GRIN2A: variants seen among roughly 807,000 people sequenced by gnomAD.
GRIN2A encodes the protein glutamate receptor ionotropic, NMDA 2A.
A neutral mutation model predicts 113.4 loss-of-function variants in GRIN2A; 22 were observed. The observed-to-expected ratio is 0.19, with a 90% CI of 0.14 to 0.28. The LOEUF is 0.28. GRIN2A is among the 10% of genes least tolerant of loss of function. GRIN2A has a pLI of 1.00. For missense variants in GRIN2A, 1,502 were observed against 1,887.0 expected (o/e 0.80, Z 3.78); for synonymous variants, 827 against 738.4 (o/e 1.12, Z -1.94).
At chr16:10,171,165 T>C (rs1373956214) in intron 2 of GRIN2A, among the ~76,000 whole-genome samples, 1 of 152,092 alleles carries the variant, frequency 6.6e-6, no homozygotes, top group Non-Finnish European at 1.5e-5. Context: ...CTTGAAAGGG[T>C]AATAAAATAA....
chr16:10,056,128 A>G (rs974044307), intron 2 of GRIN2A, among the ~76,000 whole-genome samples: 10 of 152,246 alleles, frequency 6.6e-5, no homozygotes, highest in Admixed American at 5.2e-4. Flanking sequence ...ATACTTAATG[A>G]GCATTTCCTA....
intron 2 of GRIN2A, among the ~76,000 whole-genome samples, chr16:10,075,093 C>G (rs1472983806): frequency 2.0e-5 from 3 of 152,130 alleles, no homozygotes; most frequent in Admixed American, 1.3e-4. Flanking sequence ...GTTAAAATCT[C>G]AGCCCTGAAC....
chr16:10,084,358 A>G (rs1033484805), intron 2 of GRIN2A, among the ~76,000 whole-genome samples: 9 of 152,152 alleles, frequency 5.9e-5, no homozygotes, highest in African/African-American at 1.9e-4. Flanking sequence ...ACCCCTTTTC[A>G]TGTCAGTCTT....
chr16:9,833,797 G>T (rs1012959783), intron 8 of GRIN2A, among the ~76,000 whole-genome samples: 1 of 152,190 alleles, frequency 6.6e-6, no homozygotes, highest in African/African-American at 2.4e-5. Context: ...TCGACTCACT[G>T]CAACCTCTGC....
At chr16:9,949,456 T>C (rs906961228) in intron 2 of GRIN2A, among the ~76,000 whole-genome samples, 2 of 149,608 alleles carry the variant, frequency 1.3e-5, no homozygotes, top group Non-Finnish European at 3.0e-5. Context: ...AATGGATGGG[T>C]GGGCAGATGA....
rs1875202 is a variant in GRIN2A at position 10,007,971 on chromosome 16, C to A, written c.415-69420G>T. Among the ~76,000 whole-genome samples, 801 of 152,282 alleles carry A rather than the reference C, an allele frequency of 5.3e-3. 11 individuals carry two copies. Among genetic ancestry groups the A allele is most frequent in the African/African-American group, 0.018 (763 of 41,564 alleles). ...CCTCTTTGAGCCTCTGGTACATCCT[C>A]TATAAGATACAAGTAGTATTCTTTT... On this transcript the variant is annotated intron_variant, in intron 2 of 12. Transcript: ENST00000330684.
intron 3 of GRIN2A, among the ~76,000 whole-genome samples, chr16:9,897,241 T>G (rs2043825462): frequency 6.6e-6 from 1 of 151,144 alleles, no homozygotes; most frequent in Non-Finnish European, 1.5e-5. Flanking sequence ...ATAAAATACG[T>G]ACATATATAT....
intron 4 of GRIN2A, among the ~76,000 whole-genome samples, chr16:9,855,936 C>T (rs1567349336): frequency 6.6e-6 from 1 of 152,200 alleles, no homozygotes; most frequent in Non-Finnish European, 1.5e-5. Context: ...TTTCTCAAAG[C>T]TGGCTCTTCC....
intron 4 of GRIN2A, among the ~76,000 whole-genome samples, chr16:9,850,782 T>G (rs1424113267): frequency 6.6e-6 from 1 of 152,122 alleles, no homozygotes; most frequent in Non-Finnish European, 1.5e-5. Flanking sequence ...TAGAATCGAT[T>G]GTATTCCCTC....
chr16:10,005,698 C>T (rs1265278286), intron 2 of GRIN2A, among the ~76,000 whole-genome samples: 1 of 152,198 alleles, frequency 6.6e-6, no homozygotes, highest in African/African-American at 2.4e-5. Context: ...ATGTTGGAGA[C>T]TAAGTCAAAG....
At chr16:9,899,099 C>A (rs947551839) in intron 3 of GRIN2A, among the ~76,000 whole-genome samples, 1 of 151,940 alleles carries the variant, frequency 6.6e-6, no homozygotes, top group African/African-American at 2.4e-5. Context: ...TCCTGTTCCC[C>A]GTGAACAATT....
intron 2 of GRIN2A, among the ~76,000 whole-genome samples, chr16:10,016,033 T>C (rs2046603698): frequency 1.3e-5 from 2 of 150,424 alleles, no homozygotes; most frequent in South Asian, 4.2e-4. Flanking sequence ...GGAGAATTGC[T>C]TGAACCCAGG....
At chr16:9,957,228 C>T (rs539373134) in intron 2 of GRIN2A, among the ~76,000 whole-genome samples, 1 of 152,302 alleles carries the variant, frequency 6.6e-6, no homozygotes, top group East Asian at 1.9e-4. Context: ...GGGGACCAGC[C>T]TGGCACTCAT....
chr16:9,908,964 A>G (rs1016317371), intron 3 of GRIN2A, among the ~76,000 whole-genome samples: 2 of 152,152 alleles, frequency 1.3e-5, no homozygotes, highest in African/African-American at 2.4e-5. Context: ...GCTGAGTGAG[A>G]GGTTGACTTA....
At chr16:9,891,133 A>G (rs1001261679) in intron 3 of GRIN2A, 33 bp from the exon 4 acceptor site, 1 of 1,311,018 alleles carries the variant, frequency 7.6e-7, no homozygotes, top group Non-Finnish European at 1.1e-6. Context: ...ACAAATTTTT[A>G]GGAAAGAATT....
chr16:9,910,122 G>C (rs550424283), intron 3 of GRIN2A, among the ~76,000 whole-genome samples: 1 of 152,144 alleles, frequency 6.6e-6, no homozygotes, highest in African/African-American at 2.4e-5. Context: ...GGACATCTAG[G>C]TTTACACTTT....
At chr16:10,052,981 G>A (rs1218464738) in intron 2 of GRIN2A, among the ~76,000 whole-genome samples, 1 of 151,126 alleles carries the variant, frequency 6.6e-6, no homozygotes, top group East Asian at 1.9e-4. Context: ...CTGGGAGACA[G>A]AGGTTGCAGT....
At chr16:9,887,780 C>T (rs1274468284) in intron 4 of GRIN2A, among the ~76,000 whole-genome samples, 1 of 152,138 alleles carries the variant, frequency 6.6e-6, no homozygotes, top group Non-Finnish European at 1.5e-5. Flanking sequence ...CAGTTTTTGG[C>T]CAGGCGCGTG....
Position 9,829,648 on chromosome 16 carries a change from G to T in GRIN2A, c.1782C>A (p.Pro594=). The T allele has an allele frequency of 6.2e-7, 1 of 1,609,062 alleles. No individual in the cohort carries two copies. The highest frequency in any genetic ancestry group is 8.5e-7 in the Non-Finnish European group (1 of 1,175,542). ...YNRNLAKGKA[P]HGPSFTIGKA... is the part of the protein sequence containing the mutation. ...TTCCAATTGTAAAAGAAGGCCCATG[G>T]GGTGCTGCAGAAGATGAAAAGGACA... Residue 594 remains proline (P), a synonymous_variant, in exon 9 of 13, where the codon CCC becomes CCA. Coordinates refer to ENST00000330684, the MANE Select transcript of GRIN2A (RefSeq NM_001134407.3).
Sources: allele counts gnomAD v4.1 joint callset (sites outside exome capture counted in the v4.1 genomes callset), GRCh38; gene constraint gnomAD v4.1.1; transcripts MANE v1.5; gene names NCBI Gene and HGNC (gene_info 2026-07-23, HGNC 2026-07-21).